The following CSMD1 variants were observed in gnomAD, a reference collection of about 807,000 sequenced individuals.
The protein encoded by CSMD1 is CUB and sushi domain-containing protein 1.
CSMD1 carries 213 observed loss-of-function variants against 417.5 expected under a neutral mutation model. The ratio of observed to expected loss-of-function variants is 0.51; its 90% CI spans 0.46 to 0.57. The LOEUF is 0.57. CSMD1 is among the 20% of genes least tolerant of loss of function. CSMD1 has a pLI of 0.00. For synonymous variants in CSMD1, 2,862 were observed against 1,736.8 expected, an observed-to-expected ratio of 1.65 and a Z score of -16.11; for missense variants, 6,923 against 4,529.7, an observed-to-expected ratio of 1.53 and a Z score of -15.17.
At chr8:4,826,413 G>A (rs911919203) in intron 1 of CSMD1, among the ~76,000 whole-genome samples, 9 of 152,138 alleles carry the variant, frequency 5.9e-5, no homozygotes, top group African/African-American at 2.2e-4. Context: ...TGAGCCTGGA[G>A]GGCATTGCGC....
chr8:4,734,549 G>A (rs1270081492), intron 1 of CSMD1, among the ~76,000 whole-genome samples: 2 of 152,116 alleles, frequency 1.3e-5, no homozygotes, highest in Non-Finnish European at 2.9e-5. Context: ...ATTTGGTAGC[G>A]AAGTATAAGT....
intron 5 of CSMD1, among the ~76,000 whole-genome samples, chr8:3,926,405 T>G (rs908509585): frequency 6.6e-6 from 1 of 152,096 alleles, no homozygotes; most frequent in African/African-American, 2.4e-5. Flanking sequence ...TTCTGTCTTT[T>G]GTTGAGATAT....
intron 3 of CSMD1, among the ~76,000 whole-genome samples, chr8:4,100,191 G>T (rs903116064): frequency 2.6e-5 from 4 of 152,156 alleles, no homozygotes; most frequent in Admixed American, 1.3e-4. Flanking sequence ...CTACCTTGGG[G>T]AAGGGTGAGG....
chr8:4,434,003 G>A (rs952386323), intron 2 of CSMD1, among the ~76,000 whole-genome samples: 1 of 152,080 alleles, frequency 6.6e-6, no homozygotes, highest in Admixed American at 6.6e-5. Flanking sequence ...AAGATTAACA[G>A]CTTCAATTCT....
rs529616470 is a variant in CSMD1 at position 3,639,459 on chromosome 8, T to G, written c.1010-22662A>C. Among the ~76,000 whole-genome samples, 9 of 152,298 alleles carry G rather than the reference T, an allele frequency of 5.9e-5. No homozygotes were observed. The South Asian group carries it at 1.9e-3, about 32-fold the overall frequency. Reference sequence around the variant, plus strand: ...ATCCTTGATAAATCAGTCTATGACCTGAATTGTCTAACTGAGCATGAAAAT... The same window carrying G: ...ATCCTTGATAAATCAGTCTATGACCGGAATTGTCTAACTGAGCATGAAAAT... On this transcript the variant is annotated intron_variant, in intron 7 of 69. Transcript: ENST00000635120.
chr8:3,124,041 T>C lies in CSMD1; in HGVS notation c.6242-5454A>G, dbSNP rs1023059580. Among the ~76,000 whole-genome samples, 7 of 152,306 alleles carry C rather than the reference T, an allele frequency of 4.6e-5. No homozygotes were observed. In the East Asian group the frequency reaches 1.4e-3, roughly 29 times the overall value. On this transcript the variant is annotated intron_variant, in intron 41 of 69. Transcript: ENST00000635120. ...GGACATTTGAAGTTGTAATTAAAGATTCTAAGCCCAATGGCTGCGGGCTAC... is the reference window on the plus strand; with the variant it reads ...GGACATTTGAAGTTGTAATTAAAGACTCTAAGCCCAATGGCTGCGGGCTAC...
chr8:3,845,412 T>G (rs1803435947), intron 5 of CSMD1, among the ~76,000 whole-genome samples: 1 of 152,158 alleles, frequency 6.6e-6, no homozygotes, highest in African/African-American at 2.4e-5. Flanking sequence ...GGTTACACAG[T>G]GATAGATATC....
chr8:4,295,807 G>C (rs1459197432), intron 3 of CSMD1, among the ~76,000 whole-genome samples: 1 of 136,882 alleles, frequency 7.3e-6, no homozygotes, highest in Admixed American at 7.7e-5. Flanking sequence ...CATCTTGAGA[G>C]AAAATTTAAA....
At chr8:3,327,519 A>G (rs56702652) in intron 23 of CSMD1, among the ~76,000 whole-genome samples, 2 of 152,066 alleles carry the variant, frequency 1.3e-5, no homozygotes, top group African/African-American at 2.4e-5. Context: ...TATTAACATA[A>G]TATCAGTTTA....
intron 5 of CSMD1, among the ~76,000 whole-genome samples, chr8:3,953,413 T>TA (rs1034735530): frequency 1.3e-5 from 2 of 152,180 alleles, no homozygotes; most frequent in African/African-American, 4.8e-5. Context: ...GTAATGAGTA[T>TA]ATAGAATGTT....
intron 2 of CSMD1, among the ~76,000 whole-genome samples, chr8:4,424,683 C>G (rs190903882): frequency 1.3e-4 from 20 of 152,118 alleles, no homozygotes; most frequent in Admixed American, 5.2e-4. Context: ...AAACGAAACA[C>G]GTAACTGCCA....
intron 1 of CSMD1, among the ~76,000 whole-genome samples, chr8:4,949,073 G>T (rs967603918): frequency 6.6e-6 from 1 of 151,940 alleles, no homozygotes; most frequent in Non-Finnish European, 1.5e-5. Flanking sequence ...GGCTTCTGTT[G>T]GGATAACTTT....
chr8:4,737,755 G>A (rs1382485403), intron 1 of CSMD1, among the ~76,000 whole-genome samples: 1 of 152,176 alleles, frequency 6.6e-6, no homozygotes, highest in Non-Finnish European at 1.5e-5. Flanking sequence ...AAAGGCAATA[G>A]AAAGGCCAGA....
chr8:3,592,418 T>C (rs1005403972), intron 8 of CSMD1, among the ~76,000 whole-genome samples: 3 of 152,144 alleles, frequency 2.0e-5, no homozygotes, highest in Non-Finnish European at 4.4e-5. Flanking sequence ...TAAAATGTTT[T>C]TCAGTCTCAA....
intron 3 of CSMD1, among the ~76,000 whole-genome samples, chr8:4,250,391 G>C (rs1341382016): frequency 6.6e-6 from 1 of 152,128 alleles, no homozygotes; most frequent in Non-Finnish European, 1.5e-5. Context: ...CCCAAGATAA[G>C]ATGCTGGTTG....
chr8:3,017,367 T>C (rs986488456), intron 52 of CSMD1, among the ~76,000 whole-genome samples: 4 of 152,124 alleles, frequency 2.6e-5, no homozygotes, highest in African/African-American at 9.7e-5. Flanking sequence ...ACTCTCTACA[T>C]GAAGAAGCAT....
At chr8:4,728,815 T>A (rs1316746801) in intron 1 of CSMD1, among the ~76,000 whole-genome samples, 1 of 151,994 alleles carries the variant, frequency 6.6e-6, no homozygotes, top group Non-Finnish European at 1.5e-5. Context: ...CTCCTTTAGT[T>A]CAAAACACCT....
chr8:3,193,851 T>C (rs1241637326), intron 33 of CSMD1, among the ~76,000 whole-genome samples: 1 of 152,148 alleles, frequency 6.6e-6, no homozygotes, highest in Non-Finnish European at 1.5e-5. Flanking sequence ...GGTTCGATGA[T>C]CACCCTTCAA....
chr8:4,067,810 G>A (rs1585242455), intron 3 of CSMD1, among the ~76,000 whole-genome samples: 1 of 152,162 alleles, frequency 6.6e-6, no homozygotes, highest in Non-Finnish European at 1.5e-5. Context: ...CAGATACAGT[G>A]GCTCATGTCT....
Sources: gnomAD v4.1 joint callset for allele counts (sites outside exome capture counted in the v4.1 genomes callset) on GRCh38, gnomAD v4.1.1 for gene constraint, MANE v1.5 for transcripts, NCBI Gene and HGNC (gene_info 2026-07-23, HGNC 2026-07-21) for gene names.